The following TPTE2 variants were observed in gnomAD, a reference collection of about 807,000 sequenced individuals.
TPTE2 encodes transmembrane phosphoinositide 3-phosphatase and tensin homolog 2.
Under a neutral mutation model 78.6 loss-of-function variants are expected in TPTE2, and 53 were observed. The observed-to-expected ratio is 0.67, with a 90% CI of 0.54 to 0.85. TPTE2 has a LOEUF of 0.85. Among genes scored for constraint, TPTE2 ranks in the 40% least tolerant of loss-of-function variants. The pLI, the probability that TPTE2 is intolerant of heterozygous loss-of-function variation, is 0.00. For missense variants in TPTE2, 461 were observed against 623.0 expected (o/e 0.74, Z 2.77); for synonymous variants, 175 against 206.2 (o/e 0.85, Z 1.30).
intron 13 of TPTE2, among the ~76,000 whole-genome samples, chr13:19,447,377 A>G (rs1217049389): frequency 1.3e-5 from 2 of 152,208 alleles, no homozygotes; most frequent in Non-Finnish European, 2.9e-5. Context: ...TTCTTTAATA[A>G]TAACATTTTA....
chr13:19,444,447 A>G (rs1278356154), intron 13 of TPTE2, among the ~76,000 whole-genome samples: 1 of 152,022 alleles, frequency 6.6e-6, no homozygotes, highest in African/African-American at 2.4e-5. Context: ...CAGACATTTT[A>G]AAAGGATATC....
upstream of TPTE2, among the ~76,000 whole-genome samples, chr13:19,540,210 T>C (rs1871399941): frequency 6.6e-6 from 1 of 151,994 alleles, no homozygotes; most frequent in African/African-American, 2.4e-5. Context: ...TAGAGATTAA[T>C]GTGGAAAGAA....
rs773927618 is a variant in TPTE2 at position 19,473,414 on chromosome 13, A to G, written c.392+500T>C. ...TGTGCTACGGCTGAGCTGTCACTCA[A>G]ACCACAAGATGCAGTCCCTCCCACT... On this transcript the variant is annotated intron_variant, in intron 6 of 19. Transcript: ENST00000400230. 3.3e-5 allele frequency among the ~76,000 whole-genome samples: 5 copies of G among 152,022 alleles called. No individual in the cohort carries two copies. In the South Asian group the frequency reaches 1.0e-3, roughly 32 times the overall value.
intron 1 of TPTE2, among the ~76,000 whole-genome samples, chr13:19,531,353 C>T (rs781082996): frequency 3.2e-4 from 49 of 151,532 alleles, no homozygotes; most frequent in Admixed American, 7.2e-4. Flanking sequence ...TAAGTTTCCT[C>T]GTATTAATAC....
chr13:19,551,709 C>T, the TPTE2 span, among the ~76,000 whole-genome samples: 12 of 152,158 alleles, frequency 7.9e-5, no homozygotes, highest in African/African-American at 2.6e-4. Flanking sequence ...ACATATAAGA[C>T]TAAATATTTC....
At chr13:19,475,321 G>A (rs1234336455) in intron 5 of TPTE2, among the ~76,000 whole-genome samples, 1 of 151,848 alleles carries the variant, frequency 6.6e-6, no homozygotes, top group Non-Finnish European at 1.5e-5. Flanking sequence ...TGCCTCCTCG[G>A]TCCAAGCGAT....
intron 15 of TPTE2, among the ~76,000 whole-genome samples, chr13:19,433,370 G>C (rs938533150): frequency 2.6e-5 from 4 of 152,174 alleles, no homozygotes; most frequent in African/African-American, 9.7e-5. Context: ...CATGCGTAGT[G>C]ATGGGCACCT....
chr13:19,477,044 G>A (rs547858783), intron 4 of TPTE2, among the ~76,000 whole-genome samples: 47 of 152,162 alleles, frequency 3.1e-4, no homozygotes, highest in Admixed American at 9.2e-4. Context: ...AAAAAAGAAT[G>A]AGATCATGTA....
At chr13:19,492,853 T>C in exon 3 of TPTE2, 6 of 1,613,956 alleles carry the variant, frequency 3.7e-6, no homozygotes, top group Non-Finnish European at 5.1e-6. Context: ...AACTCACCTT[T>C]TACTGATAGG....
At chr13:19,514,033 T>C (rs1306293399) in intron 1 of TPTE2, among the ~76,000 whole-genome samples, 5 of 152,106 alleles carry the variant, frequency 3.3e-5, no homozygotes, top group African/African-American at 1.2e-4. Flanking sequence ...GAGGGACAGA[T>C]ACAGGGTCTC....
At chr13:19,553,353 A>C in the TPTE2 span, among the ~76,000 whole-genome samples, 1 of 152,220 alleles carries the variant, frequency 6.6e-6, no homozygotes, top group African/African-American at 2.4e-5. Flanking sequence ...GGAAAGTAAA[A>C]TGGTACAATC....
chr13:19,455,164 G>A (rs1878463918), intron 10 of TPTE2, among the ~76,000 whole-genome samples: 2 of 152,180 alleles, frequency 1.3e-5, no homozygotes, highest in Admixed American at 1.3e-4. Flanking sequence ...GTGAGATGTG[G>A]TTCAGACCCT....
intron 1 of TPTE2, among the ~76,000 whole-genome samples, chr13:19,499,827 C>G (rs906639449): frequency 6.6e-6 from 1 of 150,416 alleles, no homozygotes; most frequent in Non-Finnish European, 1.5e-5. Flanking sequence ...AATAGAGACA[C>G]AAAAAACCCT....
At chr13:19,497,127 C>T (rs987200599) in intron 1 of TPTE2, among the ~76,000 whole-genome samples, 6 of 152,082 alleles carry the variant, frequency 3.9e-5, no homozygotes, top group African/African-American at 7.2e-5. Flanking sequence ...GATTATATCC[C>T]GCACCTGTCT....
rs150338353 is a variant in TPTE2, at chr13:19,432,554, G to A, written c.1141C>T (p.Gln381Ter). 26 of 1,602,792 alleles carry A rather than the reference G, an allele frequency of 1.6e-5. No individual in the cohort carries two copies. The highest frequency in any genetic ancestry group is 2.1e-5 in the Non-Finnish European group (25 of 1,173,412). ...TTCCAGTTGTAGAGATGTTTCACTT[G>A]TGCAAAATATCCAACATATCTATTC... The change falls in exon 16 of 20, where the codon CAA (glutamine) becomes TAA (stop). Residue 381 changes from glutamine to a stop codon, truncating the protein, a stop_gained. Coordinates refer to ENST00000400230, the Ensembl canonical transcript of TPTE2. LOFTEE classifies it high-confidence loss of function.
At chr13:19,483,902 A>G (rs999052524) in intron 3 of TPTE2, among the ~76,000 whole-genome samples, 2 of 151,718 alleles carry the variant, frequency 1.3e-5, no homozygotes, top group African/African-American at 4.8e-5. Flanking sequence ...TACATTAGGT[A>G]TATCTTCTAA....
At chr13:19,493,622 A>G (rs753703060) in intron 1 of TPTE2, 121 bp from the exon 5 acceptor site, 1 of 874,586 alleles carries the variant, frequency 1.1e-6, no homozygotes, top group Non-Finnish European at 1.9e-6. Flanking sequence ...TCATGTATAC[A>G]GCACTATTGG....
At chr13:19,530,041 C>T (rs1477289242) in intron 1 of TPTE2, among the ~76,000 whole-genome samples, 1 of 152,152 alleles carries the variant, frequency 6.6e-6, no homozygotes, top group Non-Finnish European at 1.5e-5. Context: ...GTCAGCACAT[C>T]TTGCTGAACC....
Position 19,482,338 on chromosome 13 carries a change from C to T in TPTE2, c.179+150G>A, listed in dbSNP as rs577982050. Reference sequence around the variant, plus strand: ...AAATAATACTTGTCTAAGAATTCAACTGGAGTAAATACGGTGTACCCTCCC... The same window carrying T: ...AAATAATACTTGTCTAAGAATTCAATTGGAGTAAATACGGTGTACCCTCCC... On this transcript the variant is annotated intron_variant, in intron 4 of 19. Coordinates refer to ENST00000400230, the Ensembl canonical transcript of TPTE2. The T allele has an allele frequency of 3.7e-5, 25 of 682,154 alleles. No individual in the cohort carries two copies. In the South Asian group the frequency reaches 1.3e-3, roughly 36 times the overall value. 42.3% of individuals were successfully genotyped at this position (682,154 alleles called of 1,614,324 possible). A position where few individuals can be genotyped will look rare whatever the true frequency, so the allele number is the denominator to read the frequency against.
Sources: allele counts gnomAD v4.1 joint callset (sites outside exome capture counted in the v4.1 genomes callset), GRCh38; gene constraint gnomAD v4.1.1; transcripts MANE v1.5; gene names NCBI Gene and HGNC (gene_info 2026-07-23, HGNC 2026-07-21).